The following UBA2 variants were observed in gnomAD, a reference collection of about 807,000 sequenced individuals.
UBA2 encodes the protein ubiquitin like modifier activating enzyme 2, also known as SUMO-activating enzyme subunit 2.
Under a neutral mutation model 77.2 loss-of-function variants are expected in UBA2, and 11 were observed. The observed-to-expected ratio is 0.14, with a 90% confidence interval of 0.09 to 0.24. UBA2 has a LOEUF of 0.24. UBA2 is among the 10% of genes least tolerant of loss of function. UBA2 has a pLI of 1.00. For missense variants in UBA2, 487 were observed against 781.7 expected (o/e 0.62, Z 4.50); for synonymous variants, 278 against 276.7 (o/e 1.00, Z -0.05).
intron 5 of UBA2, among the ~76,000 whole-genome samples, chr19:34,437,204 C>T (rs1486959556): frequency 4.6e-5 from 7 of 151,452 alleles, no homozygotes; most frequent in Admixed American, 1.3e-4. Context: ...TCAGGTGATC[C>T]GCCTGCCTTG....
chr19:34,445,920 A>G (rs973687106), intron 8 of UBA2, among the ~76,000 whole-genome samples: 11 of 152,082 alleles, frequency 7.2e-5, no homozygotes, highest in African/African-American at 1.9e-4. Flanking sequence ...TATTGGGTCT[A>G]CCTAATTATT....
chr19:34,435,736 A>T (rs1296642511), intron 5 of UBA2, among the ~76,000 whole-genome samples: 1 of 151,910 alleles, frequency 6.6e-6, no homozygotes, highest in African/African-American at 2.4e-5. Context: ...AGACTGAAGC[A>T]TGAGAATTGC....
intron 8 of UBA2, among the ~76,000 whole-genome samples, chr19:34,446,648 C>T (rs1599908962): frequency 1.4e-5 from 2 of 146,824 alleles, no homozygotes; most frequent in African/African-American, 2.6e-5. Context: ...CCTGCTCTGT[C>T]GCCCAGGCTA....
chr19:34,451,957 T>G, intron 9 of UBA2, 24 bp from the exon 10 acceptor site: 1 of 1,418,358 alleles, frequency 7.1e-7, no homozygotes, highest in Non-Finnish European at 9.6e-7. Context: ...GTGAAATTTC[T>G]AATATATATA....
intron 5 of UBA2, 71 bp downstream of exon 5, chr19:34,435,039 T>C (rs1447897725): frequency 9.2e-7 from 1 of 1,083,130 alleles, no homozygotes; most frequent in Non-Finnish European, 1.3e-6. Context: ...GGAAATAAAC[T>C]TTGTATTTAT....
intron 7 of UBA2, among the ~76,000 whole-genome samples, chr19:34,444,729 C>G (rs1250935502): frequency 6.6e-6 from 1 of 152,178 alleles, no homozygotes; most frequent in African/African-American, 2.4e-5. Flanking sequence ...ATGGCTTGAG[C>G]CCAAGAGGTA....
At chr19:34,436,363 G>C (rs757550172) in intron 5 of UBA2, among the ~76,000 whole-genome samples, 1 of 151,942 alleles carries the variant, frequency 6.6e-6, no homozygotes, top group African/African-American at 2.4e-5. Context: ...GCAGTGGCGC[G>C]ATCTCAGCTC....
At chr19:34,455,212 A>G (rs1357668008) in intron 12 of UBA2, among the ~76,000 whole-genome samples, 2 of 152,174 alleles carry the variant, frequency 1.3e-5, no homozygotes, top group African/African-American at 2.4e-5. Context: ...TCAGACCACA[A>G]ACCTGCACGT....
At chr19:34,441,726 G>T (rs574108322) in intron 6 of UBA2, among the ~76,000 whole-genome samples, 4 of 151,874 alleles carry the variant, frequency 2.6e-5, no homozygotes, top group African/African-American at 9.7e-5. Flanking sequence ...TTTGAGAACT[G>T]CCTGGGCAAC....
At chr19:34,461,224 C>T (rs1348149598) in intron 14 of UBA2, among the ~76,000 whole-genome samples, 3 of 152,060 alleles carry the variant, frequency 2.0e-5, no homozygotes, top group East Asian at 1.9e-4. Context: ...CTGTTATTTT[C>T]GAAGGTTTCT....
At position 34,470,530 on chromosome 19, in the gene UBA2, T is replaced by G. The variant is rs1219187755; in HGVS notation, c.*1309T>G. The stretch of plus-strand genomic sequence containing the variant: ...AAGCTTTTAATGGCAGTGGGTTTTT[T>G]GTTCGTTTTTGAGATGAAGCCTCAC... On this transcript the variant is annotated 3_prime_UTR_variant, in exon 17 of 17. Coordinates refer to ENST00000246548, the MANE Select transcript of UBA2 (RefSeq NM_005499.3). The G allele has an allele frequency of 6.6e-6, 1 of 152,158 alleles. No homozygotes were observed. Among genetic ancestry groups the G allele is most frequent in the Non-Finnish European group, 1.5e-5 (1 of 68,052 alleles). 9.4% of individuals were successfully genotyped at this position (152,158 alleles called of 1,614,324 possible).
At chr19:34,440,240 C>T (rs2075353819) in intron 6 of UBA2, among the ~76,000 whole-genome samples, 1 of 149,248 alleles carries the variant, frequency 6.7e-6, no homozygotes, top group Non-Finnish European at 1.5e-5. Flanking sequence ...ATGAGAATCA[C>T]TTGAACCCAG....
chr19:34,460,451 C>CTTTT lies in UBA2; in HGVS notation c.1402-8_1402-5dup. ...ATTACCTACGTTAATATTTTGAATCCTTTTTTTTTTTTTTGTAGATAGTGA... is the reference window on the plus strand; with the variant it reads ...ATTACCTACGTTAATATTTTGAATCCTTTTTTTTTTTTTTTTTTGTAGATAGTGA... On this transcript the variant is annotated intron_variant, in intron 13 of 16. Coordinates refer to ENST00000246548, the MANE Select transcript of UBA2 (RefSeq NM_005499.3). 1.1e-5 allele frequency: 14 copies of CTTTT among 1,241,116 alleles called. No individual in the cohort carries two copies. Among genetic ancestry groups the CTTTT allele is most frequent in the South Asian group, 2.9e-5 (2 of 70,058 alleles). 76.9% of individuals were successfully genotyped at this position (1,241,116 alleles called of 1,614,324 possible). A position where few individuals can be genotyped will look rare whatever the true frequency, so the allele number is the denominator to read the frequency against.
chr19:34,467,106 A>G, intron 16 of UBA2, 92 bp downstream of exon 16: 2 of 1,444,824 alleles, frequency 1.4e-6, no homozygotes, highest in Non-Finnish European at 9.5e-7. Context: ...ATAAATCCAT[A>G]AAACTACTAG....
At position 34,454,547 on chromosome 19, in the gene UBA2, G is replaced by C; in HGVS notation, c.1236G>C (p.Gln412His). The C allele has an allele frequency of 1.3e-6, 2 of 1,548,716 alleles. No homozygotes were observed. The highest frequency in any genetic ancestry group is 1.8e-6 in the Non-Finnish European group (2 of 1,139,378). ...GLKILSGKID[Q>H]CRTIFLNKQP... ...AGATTTTATCAGGAAAAATAGACCAGTGCAGAACAGTGAGTATTTCTGTTT... is the reference window on the plus strand; with the variant it reads ...AGATTTTATCAGGAAAAATAGACCACTGCAGAACAGTGAGTATTTCTGTTT... Residue 412 changes from glutamine to histidine, a missense_variant, in exon 12 of 17, where the codon CAG becomes CAC. Physicochemically the swap from Gln to His is conservative, Grantham distance 24. Transcript: ENST00000246548.
intron 5 of UBA2, among the ~76,000 whole-genome samples, chr19:34,438,380 T>C (rs2075333285): frequency 6.6e-6 from 1 of 152,320 alleles, no homozygotes; most frequent in African/African-American, 2.4e-5. Flanking sequence ...CACTCAGGTG[T>C]AGTAATTTTT....
chr19:34,459,499 A>G lies in UBA2; in HGVS notation c.1401+575A>G, dbSNP rs144238040. On this transcript the variant is annotated intron_variant, in intron 13 of 16. Transcript: ENST00000246548. The stretch of plus-strand genomic sequence containing the variant: ...ACTTATCTAATATGACCTGATTCTG[A>G]TATGGTAAGTTAGTCCCTGAGGACA... Among the ~76,000 whole-genome samples the G allele has an allele frequency of 3.8e-3, 573 of 152,134 alleles. 3 individuals are homozygous for G. Among genetic ancestry groups the G allele is most frequent in the African/African-American group, 0.013 (552 of 41,506 alleles).
intron 14 of UBA2, among the ~76,000 whole-genome samples, chr19:34,463,767 TTCC>T (rs1463660009): frequency 6.6e-6 from 1 of 152,134 alleles, no homozygotes; most frequent in Non-Finnish European, 1.5e-5. Flanking sequence ...TGTGCCTGCC[TTCC>T]TCCTCCTATA....
At chr19:34,431,799 A>G (rs1052088273) in intron 2 of UBA2, 62 bp from the exon 3 acceptor site, 2 of 1,470,326 alleles carry the variant, frequency 1.4e-6, no homozygotes, top group African/African-American at 2.8e-5. Flanking sequence ...TGTGGCTTCC[A>G]GAAGCAGATT....
Sources: allele counts gnomAD v4.1 joint callset (sites outside exome capture counted in the v4.1 genomes callset), GRCh38; gene constraint gnomAD v4.1.1; transcripts MANE v1.5; gene names NCBI Gene and HGNC (gene_info 2026-07-23, HGNC 2026-07-21).